The following SND1 variants were observed in gnomAD, a reference collection of about 807,000 sequenced individuals.
SND1 encodes the protein staphylococcal nuclease domain-containing protein 1.
Under a neutral mutation model 121.7 loss-of-function variants are expected in SND1, and 38 were observed. That is an observed-to-expected ratio of 0.31 (90% CI 0.24 to 0.41). SND1 has a LOEUF of 0.41. Ranked by LOEUF, SND1 falls within the 10% of genes least tolerant of loss-of-function variation. The pLI is 1.00. For missense variants in SND1, 868 were observed against 1,184.6 expected, an observed-to-expected ratio of 0.73 and a Z score of 3.92; for synonymous variants, 401 against 447.4, an observed-to-expected ratio of 0.90 and a Z score of 1.31.
chr7:127,970,779 A>G (rs1168720214), intron 15 of SND1, among the ~76,000 whole-genome samples: 1 of 152,122 alleles, frequency 6.6e-6, no homozygotes, highest in Non-Finnish European at 1.5e-5. Context: ...TATTAAATAC[A>G]TACATCTGCA....
chr7:127,672,650 A>G (rs1045185129), intron 1 of SND1, among the ~76,000 whole-genome samples: 1 of 152,058 alleles, frequency 6.6e-6, no homozygotes, highest in African/African-American at 2.4e-5. Context: ...TAACATGGAT[A>G]CAATACTGCC....
At chr7:127,705,202 C>G (rs911156847) in intron 8 of SND1, among the ~76,000 whole-genome samples, 6 of 152,162 alleles carry the variant, frequency 3.9e-5, no homozygotes, top group Non-Finnish European at 5.9e-5. Context: ...GTTTTCAGGT[C>G]ATTTTTTTCC....
intron 12 of SND1, chr7:127,857,704 C>G: frequency 1.7e-6 from 1 of 583,898 alleles, no homozygotes. Context: ...TCAGCACAGC[C>G]AAGGCCCCAC....
chr7:127,944,381 G>A (rs1005937763), intron 15 of SND1, among the ~76,000 whole-genome samples: 1 of 152,222 alleles, frequency 6.6e-6, no homozygotes, highest in African/African-American at 2.4e-5. Flanking sequence ...CTTGCCTGGT[G>A]ATGAATGACC....
intron 16 of SND1, among the ~76,000 whole-genome samples, chr7:128,014,710 C>T (rs2116953693): frequency 6.6e-6 from 1 of 151,862 alleles, no homozygotes; most frequent in South Asian, 2.1e-4. Context: ...GGAGATAGAT[C>T]TATCTGTGGA....
At chr7:128,059,544 A>G (rs931102615) in intron 16 of SND1, among the ~76,000 whole-genome samples, 3 of 152,192 alleles carry the variant, frequency 2.0e-5, no homozygotes, top group Non-Finnish European at 4.4e-5. Context: ...GTGTCTTCTC[A>G]CTTTGAGGAA....
At chr7:127,779,720 C>T (rs1169417132) in intron 10 of SND1, among the ~76,000 whole-genome samples, 1 of 152,208 alleles carries the variant, frequency 6.6e-6, no homozygotes, top group Non-Finnish European at 1.5e-5. Flanking sequence ...ACCCACTGAG[C>T]AATACACAAG....
chr7:127,793,048 A>G (rs1446048566), intron 10 of SND1, among the ~76,000 whole-genome samples: 1 of 152,266 alleles, frequency 6.6e-6, no homozygotes, highest in Admixed American at 6.5e-5. Context: ...ACTGCATCAC[A>G]GTAGCTTCAT....
chr7:127,758,026 T>A (rs751340201), intron 10 of SND1, among the ~76,000 whole-genome samples: 6 of 152,224 alleles, frequency 3.9e-5, no homozygotes, highest in Non-Finnish European at 7.3e-5. Flanking sequence ...TGCCGCAAGA[T>A]CTTCCTGACT....
intron 12 of SND1, among the ~76,000 whole-genome samples, chr7:127,886,072 G>T (rs1448698527): frequency 6.6e-6 from 1 of 152,068 alleles, no homozygotes; most frequent in Non-Finnish European, 1.5e-5. Flanking sequence ...ACAACTCTGT[G>T]ATAATGACAG....
At chr7:127,933,068 GTAT>G (rs1191317127) in intron 15 of SND1, among the ~76,000 whole-genome samples, 1 of 152,190 alleles carries the variant, frequency 6.6e-6, no homozygotes, top group African/African-American at 2.4e-5. Flanking sequence ...AAGAGAAACA[GTAT>G]TATTCTTCCT....
chr7:127,869,506 T>C (rs538888790), intron 12 of SND1, among the ~76,000 whole-genome samples: 1 of 152,310 alleles, frequency 6.6e-6, no homozygotes, highest in East Asian at 1.9e-4. Flanking sequence ...TTAGAGTCAT[T>C]AATGCTTTTC....
chr7:127,773,361 G>A (rs1298857610), intron 10 of SND1, among the ~76,000 whole-genome samples: 1 of 152,058 alleles, frequency 6.6e-6, no homozygotes, highest in Non-Finnish European at 1.5e-5. Flanking sequence ...CTGAGGTAGA[G>A]GAATCGCGTG....
At chr7:127,955,475 T>C (rs1451494982) in intron 15 of SND1, among the ~76,000 whole-genome samples, 1 of 152,110 alleles carries the variant, frequency 6.6e-6, no homozygotes. Context: ...GGTGGGAAGC[T>C]ACTTCTCTCC....
intron 17 of SND1, among the ~76,000 whole-genome samples, chr7:128,080,623 G>A (rs901975780): frequency 1.3e-5 from 2 of 152,220 alleles, no homozygotes; most frequent in Non-Finnish European, 2.9e-5. Flanking sequence ...AGGGAGATGG[G>A]GAGCTGGAGC....
At chr7:127,825,609 GTTGGCCAGGCTGGTC>G (rs1195627243) in intron 11 of SND1, among the ~76,000 whole-genome samples, 6 of 151,276 alleles carry the variant, frequency 4.0e-5, no homozygotes, top group Non-Finnish European at 8.8e-5. Flanking sequence ...ATTTCGCCAT[GTTGGCCAGGCTGGTC>G]TTGAACTCCC....
Position 127,828,203 on chromosome 7 carries a change from G to A in SND1, c.1243-16121G>A, listed in dbSNP as rs1798677557. Reference sequence around the variant, plus strand: ...GTAGAGACGGGGTTTCACCACGTTGGCCAGGCTGGTCTCAAGCTCCTGACC... The same window carrying A: ...GTAGAGACGGGGTTTCACCACGTTGACCAGGCTGGTCTCAAGCTCCTGACC... On this transcript the variant is annotated intron_variant, in intron 11 of 23. Coordinates refer to ENST00000354725, the MANE Select transcript of SND1 (RefSeq NM_014390.4). Among the ~76,000 whole-genome samples, 2 of 151,850 alleles carry A rather than the reference G, an allele frequency of 1.3e-5. 1 individual carries two copies. Among genetic ancestry groups the A allele is most frequent in the South Asian group, 4.2e-4 (2 of 4,786 alleles).
intron 14 of SND1, among the ~76,000 whole-genome samples, chr7:127,926,560 T>C (rs190442436): frequency 7.1e-6 from 1 of 140,648 alleles, no homozygotes; most frequent in Non-Finnish European, 1.5e-5. Flanking sequence ...TTTTTTTTTT[T>C]TTTTTTTTTT....
intron 15 of SND1, among the ~76,000 whole-genome samples, chr7:127,983,196 T>C (rs186137115): frequency 2.1e-4 from 32 of 152,288 alleles, no homozygotes; most frequent in Admixed American, 9.8e-4. Context: ...TGGGAAAGTA[T>C]AGAAATGGAA....
Sources: gnomAD v4.1 joint callset for allele counts (sites outside exome capture counted in the v4.1 genomes callset) on GRCh38, gnomAD v4.1.1 for gene constraint, MANE v1.5 for transcripts, NCBI Gene and HGNC (gene_info 2026-07-23, HGNC 2026-07-21) for gene names.